RAPGEF4: variants seen among roughly 807,000 people sequenced by gnomAD.
RAPGEF4 encodes the protein Rap guanine nucleotide exchange factor 4.
A neutral mutation model predicts 147.9 loss-of-function variants in RAPGEF4; 66 were observed. That is an observed-to-expected ratio of 0.45 (90% CI 0.37 to 0.55). RAPGEF4 has a LOEUF of 0.55. RAPGEF4 is among the 20% of genes least tolerant of loss of function. The pLI is 0.00. For missense variants in RAPGEF4, 1,071 were observed against 1,257.3 expected, an observed-to-expected ratio of 0.85 and a Z score of 2.24; for synonymous variants, 419 against 442.7, an observed-to-expected ratio of 0.95 and a Z score of 0.67.
chr2:172,773,842 A>C (rs1683892879), intron 1 of RAPGEF4, among the ~76,000 whole-genome samples: 1 of 152,210 alleles, frequency 6.6e-6, no homozygotes, highest in Admixed American at 6.5e-5. Flanking sequence ...TAATCGTCAT[A>C]TAGTGAGTGA....
intron 1 of RAPGEF4, among the ~76,000 whole-genome samples, chr2:172,784,247 G>A (rs183394539): frequency 6.3e-4 from 96 of 152,238 alleles, no homozygotes; most frequent in African/African-American, 2.2e-3. Context: ...AGCCTGGAGC[G>A]GTGGCTCACG....
chr2:172,811,549 C>A (rs1332640467), intron 3 of RAPGEF4, among the ~76,000 whole-genome samples: 2 of 152,146 alleles, frequency 1.3e-5, no homozygotes, highest in South Asian at 2.1e-4. Context: ...TTTGAATAGT[C>A]CCTATTAAAT....
At chr2:172,846,696 C>T (rs1333200365) in intron 4 of RAPGEF4, among the ~76,000 whole-genome samples, 1 of 152,192 alleles carries the variant, frequency 6.6e-6, no homozygotes, top group East Asian at 1.9e-4. Flanking sequence ...TATGGTCCTG[C>T]ATTCTTGAGA....
chr2:173,049,906 G>C (rs1344454124), intron 30 of RAPGEF4, among the ~76,000 whole-genome samples: 1 of 152,164 alleles, frequency 6.6e-6, no homozygotes, highest in African/African-American at 2.4e-5. Context: ...AGTTACAACC[G>C]GAGTTTATAA....
intron 30 of RAPGEF4, among the ~76,000 whole-genome samples, chr2:173,050,157 T>C (rs1318859727): frequency 6.6e-6 from 1 of 152,242 alleles, no homozygotes; most frequent in African/African-American, 2.4e-5. Context: ...GTTGAAGTTA[T>C]CAGTAACTGC....
chr2:172,904,619 T>C (rs1028244201), intron 4 of RAPGEF4, among the ~76,000 whole-genome samples: 1 of 152,170 alleles, frequency 6.6e-6, no homozygotes, highest in Non-Finnish European at 1.5e-5. Flanking sequence ...TTGAGTGTGC[T>C]TCAACAAGAA....
intron 4 of RAPGEF4, chr2:172,894,296 C>A (rs1384178010): frequency 1.3e-5 from 2 of 152,250 alleles, no homozygotes; most frequent in African/African-American, 4.8e-5. Context: ...AGTTCATTAA[C>A]AGCTTCATCA....
At chr2:172,801,454 T>G (rs1043029695) in intron 3 of RAPGEF4, among the ~76,000 whole-genome samples, 1 of 152,078 alleles carries the variant, frequency 6.6e-6, no homozygotes, top group Non-Finnish European at 1.5e-5. Flanking sequence ...GCACTAGGTT[T>G]CAGACCCTCA....
At chr2:172,928,108 C>T (rs1038926295) in intron 6 of RAPGEF4, 14 of 431,910 alleles carry the variant, frequency 3.2e-5, no homozygotes, top group South Asian at 2.2e-4. Flanking sequence ...GAAAGCGTAA[C>T]CCCCGAGCCA....
rs372353202 is a variant in RAPGEF4 at position 172,741,933 on chromosome 2, A to G, written c.65+5885A>G. Among the ~76,000 whole-genome samples, 12 of 152,322 alleles carry G rather than the reference A, an allele frequency of 7.9e-5. No homozygotes were observed. The East Asian group carries it at 1.9e-3, about 25-fold the overall frequency. On this transcript the variant is annotated intron_variant, in intron 1 of 30. Coordinates refer to ENST00000397081, the MANE Select transcript of RAPGEF4 (RefSeq NM_007023.4). ...AGTGATCTTCCCACCTTGGCCTCCC[A>G]AAGTGCTGGGACTATAGGCTTAAGC... is the stretch of plus-strand genomic sequence containing the variant.
intron 1 of RAPGEF4, among the ~76,000 whole-genome samples, chr2:172,771,326 A>G (rs1052451102): frequency 6.6e-6 from 1 of 151,504 alleles, no homozygotes; most frequent in Non-Finnish European, 1.5e-5. Context: ...CCAAAGCCCT[A>G]CCTCCTAATA....
In RAPGEF4 at chr2:172,821,912, A is replaced by T; in HGVS notation, c.444+7487A>T. 2.5e-6 allele frequency: 4 copies of T among 1,613,406 alleles called. No individual in the cohort carries two copies. In the South Asian group the frequency reaches 4.4e-5, roughly 18 times the overall value. The stretch of plus-strand genomic sequence containing the variant: ...GTACATTTTGCTGATCAAATAAAGG[A>T]TAGATGCTCACTGGATGTCTGAGAA... On this transcript the variant is annotated intron_variant, in intron 4 of 30. Coordinates refer to ENST00000397081, the MANE Select transcript of RAPGEF4 (RefSeq NM_007023.4).
At chr2:173,006,032 C>T (rs189846481) in intron 17 of RAPGEF4, among the ~76,000 whole-genome samples, 16 of 152,316 alleles carry the variant, frequency 1.1e-4, no homozygotes, top group African/African-American at 3.8e-4. Flanking sequence ...GGTTCTGCAA[C>T]GCCAGACTCT....
chr2:172,985,359 C>A, intron 11 of RAPGEF4, 74 bp from the exon 12 acceptor site: 3 of 1,606,722 alleles, frequency 1.9e-6, no homozygotes, highest in Non-Finnish European at 2.6e-6. Flanking sequence ...ATTGTGCCCC[C>A]AGAAAGAGTA....
chr2:172,755,644 C>T (rs543490864), intron 1 of RAPGEF4, among the ~76,000 whole-genome samples: 2 of 152,304 alleles, frequency 1.3e-5, no homozygotes, highest in South Asian at 2.1e-4. Context: ...GATCTGCCCA[C>T]CTCGGCCTCC....
intron 6 of RAPGEF4, among the ~76,000 whole-genome samples, chr2:172,944,681 T>C (rs147902844): frequency 6.6e-6 from 1 of 152,316 alleles, no homozygotes; most frequent in East Asian, 1.9e-4. Context: ...GGGGCTGTTG[T>C]AGCTGTGTCA....
intron 4 of RAPGEF4, among the ~76,000 whole-genome samples, chr2:172,824,042 T>C (rs1232380795): frequency 6.6e-6 from 1 of 152,190 alleles, no homozygotes. Flanking sequence ...CCCTCCCTTT[T>C]TGGTTTGCAA....
At chr2:172,899,741 A>G (rs2149952272) in intron 4 of RAPGEF4, among the ~76,000 whole-genome samples, 1 of 152,282 alleles carries the variant, frequency 6.6e-6, no homozygotes, top group East Asian at 1.9e-4. Context: ...TGATAGCATC[A>G]AGGCTCTGGG....
intron 3 of RAPGEF4, among the ~76,000 whole-genome samples, chr2:172,810,462 G>T (rs1467628198): frequency 6.6e-6 from 1 of 152,212 alleles, no homozygotes; most frequent in Non-Finnish European, 1.5e-5. Context: ...GCATGCTGCT[G>T]CACAATGGGA....
Sources: gnomAD v4.1 joint callset for allele counts (sites outside exome capture counted in the v4.1 genomes callset) on GRCh38, gnomAD v4.1.1 for gene constraint, MANE v1.5 for transcripts, NCBI Gene and HGNC (gene_info 2026-07-23, HGNC 2026-07-21) for gene names.